Variants in ZBTB16 observed in about 807,000 individuals in gnomAD.
ZBTB16 encodes the protein zinc finger and BTB domain containing 16, also known as zinc finger and BTB domain-containing protein 16.
A neutral mutation model predicts 56.8 loss-of-function variants in ZBTB16; 8 were observed. The observed-to-expected ratio is 0.14, with a 90% CI of 0.08 to 0.25. The LOEUF (loss-of-function observed/expected upper bound fraction) is 0.25. ZBTB16 is among the 10% of genes least tolerant of loss of function. The pLI is 1.00. For missense variants in ZBTB16, 625 were observed against 903.0 expected, an observed-to-expected ratio of 0.69 and a Z score of 3.95; for synonymous variants, 363 against 368.5, an observed-to-expected ratio of 0.98 and a Z score of 0.17.
intron 4 of ZBTB16, among the ~76,000 whole-genome samples, chr11:114,228,661 G>T (rs1944377735): frequency 6.6e-6 from 1 of 152,212 alleles, no homozygotes; most frequent in Non-Finnish European, 1.5e-5. Flanking sequence ...GAGTGAAGCA[G>T]TCCCTTTGCA....
intron 2 of ZBTB16, among the ~76,000 whole-genome samples, chr11:114,127,590 A>G (rs1357231187): frequency 2.0e-5 from 3 of 152,052 alleles, no homozygotes; most frequent in African/African-American, 7.2e-5. Flanking sequence ...GTGCTTGTGG[A>G]TGGGTAGGAG....
chr11:114,125,796 A>G (rs1941492969), intron 2 of ZBTB16, among the ~76,000 whole-genome samples: 1 of 152,158 alleles, frequency 6.6e-6, no homozygotes, highest in South Asian at 2.1e-4. Context: ...CGTTTCAGAC[A>G]GCTAGAGGAG....
chr11:114,248,371 A>G (rs1944855780), intron 6 of ZBTB16, among the ~76,000 whole-genome samples: 1 of 152,242 alleles, frequency 6.6e-6, no homozygotes, highest in African/African-American at 2.4e-5. Context: ...GTTCAGTGAC[A>G]CCACCTTAGT....
At chr11:114,181,245 T>A (rs1473091548) in intron 3 of ZBTB16, among the ~76,000 whole-genome samples, 1 of 152,248 alleles carries the variant, frequency 6.6e-6, no homozygotes, top group Non-Finnish European at 1.5e-5. Context: ...TGCGACTTAC[T>A]GGTTCTGTAT....
intron 2 of ZBTB16, among the ~76,000 whole-genome samples, chr11:114,117,250 C>T (rs982856745): frequency 1.3e-5 from 2 of 152,028 alleles, no homozygotes; most frequent in African/African-American, 4.8e-5. Context: ...GGTTGTGAGC[C>T]TATCATGAAG....
At chr11:114,141,874 G>T (rs989171851) in intron 2 of ZBTB16, among the ~76,000 whole-genome samples, 1 of 152,234 alleles carries the variant, frequency 6.6e-6, no homozygotes, top group African/African-American at 2.4e-5. Context: ...ATGAAAATGC[G>T]CAGAATAGTG....
intron 4 of ZBTB16, among the ~76,000 whole-genome samples, chr11:114,226,891 A>G (rs1350066794): frequency 6.6e-6 from 1 of 152,102 alleles, no homozygotes; most frequent in Non-Finnish European, 1.5e-5. Flanking sequence ...TCTTTATCAT[A>G]TCATATTCCT....
intron 2 of ZBTB16, among the ~76,000 whole-genome samples, chr11:114,135,062 G>C (rs1941763052): frequency 6.6e-6 from 1 of 152,200 alleles, no homozygotes; most frequent in South Asian, 2.1e-4. Context: ...TGGGGGTTGA[G>C]ATCACACAGC....
At chr11:114,117,503 T>C (rs1356241068) in intron 2 of ZBTB16, among the ~76,000 whole-genome samples, 3 of 150,038 alleles carry the variant, frequency 2.0e-5, no homozygotes, top group Non-Finnish European at 3.0e-5. Flanking sequence ...GAAGGGCACA[T>C]TGTAGGGGGA....
chr11:114,171,187 A>T (rs1310387543), intron 3 of ZBTB16, among the ~76,000 whole-genome samples: 2 of 152,238 alleles, frequency 1.3e-5, no homozygotes, highest in Admixed American at 6.5e-5. Context: ...GGGTCTGATT[A>T]TAGATAATGA....
intron 2 of ZBTB16, among the ~76,000 whole-genome samples, chr11:114,104,884 C>T (rs1940734115): frequency 6.6e-6 from 1 of 152,104 alleles, no homozygotes; most frequent in South Asian, 2.1e-4. Flanking sequence ...GTCATTGCAA[C>T]CATTTTGAGT....
intron 2 of ZBTB16, among the ~76,000 whole-genome samples, chr11:114,096,661 A>G (rs1315138738): frequency 6.6e-6 from 1 of 152,144 alleles, no homozygotes; most frequent in Admixed American, 6.5e-5. Flanking sequence ...ATTAAGGTGC[A>G]TTTCTGGGGT....
chr11:114,217,813 C>G lies in ZBTB16; in HGVS notation c.1454-24354C>G, dbSNP rs529315830. On this transcript the variant is annotated intron_variant, in intron 4 of 6. Transcript: ENST00000335953. Reference sequence around the variant, plus strand: ...AGGGCACTGCTCAGCAGAGAAGGGCCTCCTGCAGCCAGCTCCTTAGGCTCC... The same window carrying G: ...AGGGCACTGCTCAGCAGAGAAGGGCGTCCTGCAGCCAGCTCCTTAGGCTCC... 2.6e-5 allele frequency among the ~76,000 whole-genome samples: 4 copies of G among 152,258 alleles called. No homozygotes were observed. In the Middle Eastern group the frequency reaches 0.01, roughly 388 times the overall value.
At position 114,099,792 on chromosome 11, in the gene ZBTB16, A is replaced by G. The variant is rs576248475; in HGVS notation, c.1268+35224A>G. On this transcript the variant is annotated intron_variant, in intron 2 of 6. Coordinates refer to ENST00000335953, the MANE Select transcript of ZBTB16 (RefSeq NM_006006.6). ...ACTTCTCTTCTTGCCCAAGGGATTC[A>G]GTAGAAAAAAATACATTTCCAAACA... Among the ~76,000 whole-genome samples, 56 of 150,578 alleles carry G rather than the reference A, an allele frequency of 3.7e-4. No individual in the cohort carries two copies. In the East Asian group the frequency reaches 8.9e-3, roughly 24 times the overall value.
chr11:114,164,751 T>C (rs1942695217), intron 3 of ZBTB16, among the ~76,000 whole-genome samples: 1 of 152,170 alleles, frequency 6.6e-6, no homozygotes, highest in Non-Finnish European at 1.5e-5. Context: ...GGGCTGTGCC[T>C]GAGGGGCCCC....
rs1187332890 is a variant in ZBTB16, at chr11:114,253,922, G to A, written c.*3367G>A. 6.6e-6 allele frequency among the ~76,000 whole-genome samples: 1 copy of A among 152,022 alleles called. No homozygotes were observed. Among genetic ancestry groups the A allele is most frequent in the Non-Finnish European group, 1.5e-5 (1 of 68,012 alleles). ...TTCTTCATGCCACCTGACTCCTTCG[G>A]CCCCCTGGCTGCCTTTAGCTGTGGT... On this transcript the variant is annotated 3_prime_UTR_variant, in exon 7 of 7. Coordinates refer to ENST00000335953, the MANE Select transcript of ZBTB16 (RefSeq NM_006006.6).
At chr11:114,235,680 T>A (rs2511147) in intron 4 of ZBTB16, among the ~76,000 whole-genome samples, 1,384 of 26,334 alleles carry the variant, frequency 0.053, 48 homozygotes, top group Admixed American at 0.26. Context: ...CTTTCTTTCT[T>A]TCTTTCTTTC....
chr11:114,133,166 T>TGGTGTCCTGCCTCGCTGA (rs1416399211), intron 2 of ZBTB16, among the ~76,000 whole-genome samples: 1 of 152,070 alleles, frequency 6.6e-6, no homozygotes, highest in Non-Finnish European at 1.5e-5. Context: ...CAAAATTGAC[T>TGGTGTCCTGCCTCGCTGA]GGTGTCCTGC....
intron 2 of ZBTB16, among the ~76,000 whole-genome samples, chr11:114,078,784 A>G (rs1939658515): frequency 6.6e-6 from 1 of 152,160 alleles, no homozygotes; most frequent in Non-Finnish European, 1.5e-5. Flanking sequence ...AATGAAGGGA[A>G]GAAGGTTGGC....
Sources: gnomAD v4.1 joint callset for allele counts (sites outside exome capture counted in the v4.1 genomes callset) on GRCh38, gnomAD v4.1.1 for gene constraint, MANE v1.5 for transcripts, NCBI Gene and HGNC (gene_info 2026-07-23, HGNC 2026-07-21) for gene names.